ZYG11A: variants seen among roughly 807,000 people sequenced by gnomAD.
ZYG11A encodes the protein zyg-11 family member A, cell cycle regulator.
Under a neutral mutation model 77.2 loss-of-function variants are expected in ZYG11A, and 62 were observed. The ratio of observed to expected loss-of-function variants is 0.80; its 90% CI spans 0.65 to 0.99. The LOEUF (loss-of-function observed/expected upper bound fraction) is 0.99, where lower values mean the gene tolerates loss of function less well. Among genes scored for constraint, ZYG11A ranks in the 50% least tolerant of loss-of-function variants. The probability of loss-of-function intolerance (pLI) is 0.00; values close to 1 mark genes in which losing one functional copy is unlikely to be tolerated. For synonymous variants in ZYG11A, 315 were observed against 324.6 expected (o/e 0.97, Z 0.32); for missense variants, 828 against 896.8 (o/e 0.92, Z 0.98).
intron 1 of ZYG11A, among the ~76,000 whole-genome samples, chr1:52,843,933 G>T (rs909946722): frequency 2.0e-5 from 3 of 152,066 alleles, no homozygotes; most frequent in Admixed American, 6.6e-5. Flanking sequence ...TGATCTACCC[G>T]CCTCGGCCTC....
At chr1:52,846,312 A>T (rs12567981) in intron 1 of ZYG11A, among the ~76,000 whole-genome samples, 385 of 2,060 alleles carry the variant, frequency 0.19, 36 homozygotes, top group Middle Eastern at 0.5. Context: ...TTAAATTTTT[A>T]TATATATATA....
At chr1:52,878,038 C>A in intron 10 of ZYG11A, 69 bp downstream of exon 10, 1 of 1,310,158 alleles carries the variant, frequency 7.6e-7, no homozygotes, top group Non-Finnish European at 1.1e-6. Flanking sequence ...ATAGTACCTA[C>A]TATATGCTAG....
intron 5 of ZYG11A, among the ~76,000 whole-genome samples, 157 bp downstream of exon 5, chr1:52,864,314 C>T (rs1451920950): frequency 4.6e-5 from 7 of 152,146 alleles, no homozygotes; most frequent in African/African-American, 1.7e-4. Context: ...GGCACGATCT[C>T]AGCTCACTGT....
At chr1:52,843,688 C>CTTTTTTTTTTTTTTT (rs71044427) in intron 1 of ZYG11A, among the ~76,000 whole-genome samples, 3 of 130,514 alleles carry the variant, frequency 2.3e-5, no homozygotes, top group Non-Finnish European at 4.7e-5. Context: ...TTCTTTCTTT[C>CTTTTTTTTTTTTTTT]TTTTTTTTTT....
intron 12 of ZYG11A, 24 bp downstream of exon 12, chr1:52,885,918 T>C: frequency 6.7e-7 from 1 of 1,500,526 alleles, no homozygotes; most frequent in Non-Finnish European, 8.9e-7. Context: ...GTTGTGCTTT[T>C]CTTCTTTTTT....
intron 13 of ZYG11A, among the ~76,000 whole-genome samples, chr1:52,889,984 A>G (rs1646513593): frequency 6.7e-6 from 1 of 149,292 alleles, no homozygotes; most frequent in Admixed American, 6.7e-5. Context: ...AAGTGCTGGG[A>G]TTACAGGCGT....
At chr1:52,855,880 A>C (rs534473163) in intron 2 of ZYG11A, among the ~76,000 whole-genome samples, 1 of 152,220 alleles carries the variant, frequency 6.6e-6, no homozygotes, top group Non-Finnish European at 1.5e-5. Flanking sequence ...TATGTGTACA[A>C]ATTTTATTTT....
intron 1 of ZYG11A, among the ~76,000 whole-genome samples, chr1:52,853,285 A>G (rs1464142481): frequency 6.6e-6 from 1 of 152,224 alleles, no homozygotes; most frequent in African/African-American, 2.4e-5. Context: ...TGTAATTCCA[A>G]AAATCATGAG....
intron 3 of ZYG11A, among the ~76,000 whole-genome samples, chr1:52,859,835 G>T (rs1053238677): frequency 6.6e-6 from 1 of 151,634 alleles, no homozygotes; most frequent in African/African-American, 2.4e-5. Flanking sequence ...GCACCACCAC[G>T]CCCATCTAAT....
Position 52,860,984 on chromosome 1 carries a change from A to G in ZYG11A, c.1149+113A>G, listed in dbSNP as rs1571849686. 3 of 1,071,100 alleles carry G rather than the reference A, an allele frequency of 2.8e-6. No individual in the cohort carries two copies. The East Asian group carries it at 7.8e-5, about 28-fold the overall frequency. 66.3% of individuals were successfully genotyped at this position (1,071,100 alleles called of 1,614,324 possible). On this transcript the variant is annotated intron_variant, in intron 4 of 13. Transcript: ENST00000371528. ...ATATGCTTTATTCTATAGTGAGTCA[A>G]GTGCTCTCATAGAGCAAAGAATGTT...
intron 13 of ZYG11A, among the ~76,000 whole-genome samples, chr1:52,889,294 C>T (rs1473034621): frequency 1.3e-5 from 2 of 152,034 alleles, no homozygotes; most frequent in African/African-American, 4.8e-5. Flanking sequence ...ACCACCATGC[C>T]TGGGGTTCTC....
intron 13 of ZYG11A, among the ~76,000 whole-genome samples, chr1:52,892,557 C>T (rs1218825905): frequency 6.6e-6 from 1 of 151,720 alleles, no homozygotes; most frequent in Non-Finnish European, 1.5e-5. Flanking sequence ...ATGTTTGAAG[C>T]ATAGAGTTGT....
At chr1:52,856,096 A>G (rs2149993642) in intron 2 of ZYG11A, among the ~76,000 whole-genome samples, 1 of 152,242 alleles carries the variant, frequency 6.6e-6, no homozygotes, top group Non-Finnish European at 1.5e-5. Flanking sequence ...CAAGGGTTCT[A>G]ATTTCTCCAC....
Position 52,877,836 on chromosome 1 carries a change from T to C in ZYG11A, c.1697T>C (p.Val566Ala). The C allele has an allele frequency of 6.4e-7, 1 of 1,551,456 alleles. No homozygotes were observed. Residue 566 changes from valine to alanine, a missense_variant, in exon 9 of 14, where the codon GTC (valine) becomes GCC (alanine). Coordinates refer to ENST00000371528, the MANE Select transcript of ZYG11A (RefSeq NM_001004339.3). The part of the protein sequence containing the change: ...ENQGLQIFIQ[V>A]LETFSESAIQ... ...CAAGGATTGCAAATCTTCATCCAAGTCTTGGAGGTGGGAAGACAGGATTGA... is the reference window on the plus strand; with the variant it reads ...CAAGGATTGCAAATCTTCATCCAAGCCTTGGAGGTGGGAAGACAGGATTGA...
intron 8 of ZYG11A, 69 bp from the exon 9 acceptor site, chr1:52,877,613 G>A: frequency 7.3e-7 from 1 of 1,376,330 alleles, no homozygotes; most frequent in South Asian, 1.5e-5. Context: ...TCTTAACATT[G>A]CTTTCCTTAT....
At chr1:52,886,079 C>T (rs967116505) in intron 12 of ZYG11A, among the ~76,000 whole-genome samples, 185 bp downstream of exon 12, 1 of 152,106 alleles carries the variant, frequency 6.6e-6, no homozygotes, top group East Asian at 1.9e-4. Context: ...ACTACAGGCA[C>T]CCGCCACCAT....
chr1:52,855,175 T>C (rs544363556), intron 2 of ZYG11A, among the ~76,000 whole-genome samples: 1 of 146,250 alleles, frequency 6.8e-6, no homozygotes, highest in South Asian at 2.3e-4. Context: ...TCTCTAGCTT[T>C]TTCAAAATGC....
At chr1:52,878,382 C>T (rs1374564313) in intron 10 of ZYG11A, among the ~76,000 whole-genome samples, 1 of 152,180 alleles carries the variant, frequency 6.6e-6, no homozygotes, top group Non-Finnish European at 1.5e-5. Flanking sequence ...TTTGTGTCCA[C>T]AGGCTTCTCC....
intron 6 of ZYG11A, 128 bp from the exon 7 acceptor site, chr1:52,867,411 T>C (rs1646046114): frequency 3.0e-6 from 2 of 663,922 alleles, no homozygotes; most frequent in Non-Finnish European, 5.2e-6. Context: ...TTGGTTTTCA[T>C]AGCTGAGGAT....
Sources: gnomAD v4.1 joint callset for allele counts (sites outside exome capture counted in the v4.1 genomes callset) on GRCh38, gnomAD v4.1.1 for gene constraint, MANE v1.5 for transcripts, NCBI Gene and HGNC (gene_info 2026-07-23, HGNC 2026-07-21) for gene names.